The following RSF1 variants were observed in gnomAD, a reference collection of about 807,000 sequenced individuals.
RSF1 encodes HBV pX-associated protein 8.
In RSF1, 13 loss-of-function variants were observed where a neutral mutation model predicts 145.2. The ratio of observed to expected loss-of-function variants is 0.09; its 90% confidence interval spans 0.06 to 0.14. The LOEUF is 0.14. Ranked by LOEUF, RSF1 falls within the 10% of genes least tolerant of loss-of-function variation. The pLI, the probability that RSF1 is intolerant of heterozygous loss-of-function variation, is 1.00. For synonymous variants in RSF1, 577 were observed against 592.6 expected (o/e 0.97, Z 0.38); for missense variants, 1,517 against 1,718.2 (o/e 0.88, Z 2.07).
At chr11:77,675,599 C>T (rs755542344) in intron 13 of RSF1, among the ~76,000 whole-genome samples, 4 of 152,184 alleles carry the variant, frequency 2.6e-5, no homozygotes, top group Non-Finnish European at 5.9e-5. Context: ...ATCACTCATC[C>T]GGTAACTCCA....
the RSF1 span, among the ~76,000 whole-genome samples, chr11:77,832,985 GTGTGTGTGTGTGTATA>G: frequency 4.9e-4 from 12 of 24,646 alleles, no homozygotes; most frequent in African/African-American, 3.7e-3. Context: ...GTGTGTGTGT[GTGTGTGTGTGTGTATA>G]TATATATATT....
intron 4 of RSF1, among the ~76,000 whole-genome samples, chr11:77,729,895 C>CAAAAAAAAAA (rs398045289): frequency 0.083 from 4,049 of 48,664 alleles, 719 homozygotes; most frequent in Non-Finnish European, 0.11. Flanking sequence ...ATTCAGTAGG[C>CAAAAAAAAAA]AAAAAAAAAA....
the RSF1 span, among the ~76,000 whole-genome samples, chr11:77,840,772 A>AT: frequency 6.6e-6 from 1 of 151,986 alleles, no homozygotes; most frequent in Non-Finnish European, 1.5e-5. Context: ...ATGCCTTGTA[A>AT]TTTTTTGTTG....
At chr11:77,705,016 G>A (rs1960513212) in intron 5 of RSF1, among the ~76,000 whole-genome samples, 1 of 152,122 alleles carries the variant, frequency 6.6e-6, no homozygotes, top group African/African-American at 2.4e-5. Context: ...CTCCCAAAAT[G>A]CTGGGATTAC....
intron 12 of RSF1, among the ~76,000 whole-genome samples, chr11:77,677,705 T>G (rs1959745830): frequency 6.6e-6 from 1 of 152,198 alleles, no homozygotes; most frequent in African/African-American, 2.4e-5. Flanking sequence ...TTTTAATAGG[T>G]TAACTTAAAA....
the RSF1 span, among the ~76,000 whole-genome samples, chr11:77,852,980 A>G: frequency 5.3e-5 from 8 of 152,206 alleles, no homozygotes; most frequent in African/African-American, 1.9e-4. Flanking sequence ...TTTTAGTACT[A>G]TAAACAATAC....
intron 1 of RSF1, among the ~76,000 whole-genome samples, chr11:77,794,337 C>T (rs1201589061): frequency 6.6e-6 from 1 of 151,904 alleles, no homozygotes; most frequent in Non-Finnish European, 1.5e-5. Flanking sequence ...CTTCTCAGTC[C>T]ACAATGGAAT....
intron 4 of RSF1, among the ~76,000 whole-genome samples, chr11:77,737,894 C>CT (rs1961405180): frequency 6.6e-6 from 1 of 152,198 alleles, no homozygotes; most frequent in Non-Finnish European, 1.5e-5. Context: ...CTTTGGGAGG[C>CT]TGAGGCGGGC....
chr11:77,719,811 T>C (rs1488133061), intron 5 of RSF1, among the ~76,000 whole-genome samples: 1 of 152,230 alleles, frequency 6.6e-6, no homozygotes, highest in Non-Finnish European at 1.5e-5. Context: ...TTGTAATATT[T>C]AGCATATGTT....
At chr11:77,679,657 A>G (rs1178503745) in intron 11 of RSF1, among the ~76,000 whole-genome samples, 2 of 150,884 alleles carry the variant, frequency 1.3e-5, no homozygotes, top group Non-Finnish European at 2.9e-5. Flanking sequence ...TGGGGGACAG[A>G]GCGAGACCCT....
intron 1 of RSF1, among the ~76,000 whole-genome samples, chr11:77,775,587 C>A (rs2135949896): frequency 6.6e-6 from 1 of 152,278 alleles, no homozygotes; most frequent in Non-Finnish European, 1.5e-5. Context: ...TAGTATCAGA[C>A]CTCTATAAAA....
the RSF1 span, among the ~76,000 whole-genome samples, chr11:77,834,176 A>G: frequency 2.0e-5 from 3 of 152,338 alleles, no homozygotes; most frequent in Admixed American, 6.5e-5. Flanking sequence ...TACTAATTCA[A>G]TGAATAAAAT....
chr11:77,827,247 A>G, the RSF1 span, among the ~76,000 whole-genome samples: 2 of 152,210 alleles, frequency 1.3e-5, no homozygotes, highest in Admixed American at 6.5e-5. Context: ...TGCTTCACAA[A>G]TTCATACCAA....
rs1363199946 is a variant in RSF1 at position 77,660,583 on chromosome 11, C to T, written c.*6334G>A. The T allele has an allele frequency of 3.9e-5, 6 of 152,132 alleles. No homozygotes were observed. The East Asian group carries it at 1.2e-3, about 29-fold the overall frequency. The allele number at this position is 152,132 out of a possible 1,614,324, so 9.4% of individuals were successfully genotyped here. ...AATAAAACATTCTGAGAACCTATTCCAGGAATATTTTTTTTAACGCATAGG... is the reference window on the plus strand; with the variant it reads ...AATAAAACATTCTGAGAACCTATTCTAGGAATATTTTTTTTAACGCATAGG... On this transcript the variant is annotated 3_prime_UTR_variant, in exon 16 of 16. Coordinates refer to ENST00000308488, the MANE Select transcript of RSF1 (RefSeq NM_016578.4).
At chr11:77,679,402 G>A (rs1305121109) in intron 11 of RSF1, among the ~76,000 whole-genome samples, 1 of 152,206 alleles carries the variant, frequency 6.6e-6, no homozygotes, top group Non-Finnish European at 1.5e-5. Flanking sequence ...TCTGGGCACA[G>A]TGGCTTACAT....
chr11:77,714,262 T>C (rs1960754278), intron 5 of RSF1, among the ~76,000 whole-genome samples: 1 of 152,208 alleles, frequency 6.6e-6, no homozygotes, highest in African/African-American at 2.4e-5. Context: ...CCATAGTACC[T>C]GAGAATCTTT....
At chr11:77,790,256 T>C (rs1022926716) in intron 1 of RSF1, among the ~76,000 whole-genome samples, 36 of 152,160 alleles carry the variant, frequency 2.4e-4, no homozygotes, top group South Asian at 2.1e-4. Flanking sequence ...ACATGGATGG[T>C]GGCAGGCAAA....
chr11:77,867,145 T>C, the RSF1 span, among the ~76,000 whole-genome samples: 2 of 152,192 alleles, frequency 1.3e-5, no homozygotes, highest in Non-Finnish European at 2.9e-5. Flanking sequence ...CCGGCCCCCA[T>C]GCCTTTCATA....
chr11:77,833,811 A>T, the RSF1 span, among the ~76,000 whole-genome samples: 3 of 152,216 alleles, frequency 2.0e-5, no homozygotes, highest in African/African-American at 7.2e-5. Context: ...CTATCATTCC[A>T]TCTAGATTTT....
Sources: gnomAD v4.1 joint callset for allele counts (sites outside exome capture counted in the v4.1 genomes callset) on GRCh38, gnomAD v4.1.1 for gene constraint, MANE v1.5 for transcripts, NCBI Gene and HGNC (gene_info 2026-07-23, HGNC 2026-07-21) for gene names.